GUCA1C: variants seen among roughly 807,000 people sequenced by gnomAD.
GUCA1C encodes the protein guanylyl cyclase-activating protein 3.
A neutral mutation model predicts 16.2 loss-of-function variants in GUCA1C; 15 were observed. That is an observed-to-expected ratio of 0.93 (90% confidence interval 0.62 to 1.43). GUCA1C has a LOEUF of 1.43. Ranked by LOEUF, GUCA1C falls within the 40% of genes most tolerant of loss-of-function variation. GUCA1C has a pLI of 0.00. For missense variants in GUCA1C, 275 were observed against 244.8 expected, an observed-to-expected ratio of 1.12 and a Z score of -0.82; for synonymous variants, 78 against 85.4, an observed-to-expected ratio of 0.91 and a Z score of 0.48.
chr3:108,932,924 C>CCAA (rs1946685187), intron 1 of GUCA1C, among the ~76,000 whole-genome samples: 1 of 68,684 alleles, frequency 1.5e-5, no homozygotes, highest in Non-Finnish European at 3.1e-5. Context: ...AAAAAAATCT[C>CCAA]AAAAAAAAAA....
chr3:108,920,249 A>T (rs1240626237), intron 2 of GUCA1C, among the ~76,000 whole-genome samples, 187 bp downstream of exon 2: 1 of 152,210 alleles, frequency 6.6e-6, no homozygotes, highest in African/African-American at 2.4e-5. Context: ...CACCAAGAAG[A>T]AAAAGCTGAT....
intron 1 of GUCA1C, among the ~76,000 whole-genome samples, chr3:108,934,808 C>CTTT (rs71629371): frequency 0.058 from 4,959 of 86,032 alleles, 603 homozygotes; most frequent in African/African-American, 0.082. Context: ...TGTTCTTGAT[C>CTTT]TTTTTTTTTT....
intron 3 of GUCA1C, among the ~76,000 whole-genome samples, chr3:108,913,397 TCTC>T (rs1221053795): frequency 6.6e-6 from 1 of 152,028 alleles, no homozygotes; most frequent in East Asian, 1.9e-4. Flanking sequence ...GAATAGACAT[TCTC>T]CTCTGTGGTG....
chr3:108,942,007 G>GT (rs1037563884), intron 1 of GUCA1C, among the ~76,000 whole-genome samples: 2 of 152,236 alleles, frequency 1.3e-5, no homozygotes, highest in Admixed American at 1.3e-4. Context: ...AATTAGAGCT[G>GT]TTTTTTCCAT....
Position 108,953,857 on chromosome 3 carries a change from A to T in GUCA1C, c.-95T>A. 2 of 790,308 alleles carry T rather than the reference A, an allele frequency of 2.5e-6. No individual in the cohort carries two copies. Among genetic ancestry groups the T allele is most frequent in the Non-Finnish European group, 4.4e-6 (2 of 456,788 alleles). 49.0% of individuals were successfully genotyped at this position (790,308 alleles called of 1,614,324 possible). A position where few individuals can be genotyped will look rare whatever the true frequency, so the allele number is the denominator to read the frequency against. On this transcript the variant is annotated 5_prime_UTR_variant, in exon 1 of 4. An upstream start codon of the reference 5' UTR is lost. Transcript: ENST00000261047. ...CTCCTCACTAAAACTGAAGGCTAAC[A>T]TATGCCCTCAGAAAGCTACTCTAAA...
At chr3:108,916,889 T>C (rs2068221) in intron 2 of GUCA1C, among the ~76,000 whole-genome samples, 15,430 of 152,238 alleles carry the variant, frequency 0.1, 812 homozygotes, top group Middle Eastern at 0.17. Context: ...ATTATTCATT[T>C]GGGAATTTGA....
intron 1 of GUCA1C, among the ~76,000 whole-genome samples, chr3:108,925,286 C>A (rs1267529058): frequency 6.6e-6 from 1 of 152,102 alleles, no homozygotes; most frequent in African/African-American, 2.4e-5. Flanking sequence ...CTTAGCACCA[C>A]TTTTGCTGTA....
rs540540934 is a variant in GUCA1C at position 108,932,786 on chromosome 3, C to T, written c.205-12201G>A. Among the ~76,000 whole-genome samples, 8 of 151,662 alleles carry T rather than the reference C, an allele frequency of 5.3e-5. No individual in the cohort carries two copies. In the South Asian group the frequency reaches 8.3e-4, roughly 16 times the overall value. ...AACATACAGAATTAGCCGGGCGTGGCGGCGCATGCCTGTAATCCCAGCTAC... is the reference window on the plus strand; with the variant it reads ...AACATACAGAATTAGCCGGGCGTGGTGGCGCATGCCTGTAATCCCAGCTAC... On this transcript the variant is annotated intron_variant, in intron 1 of 3. Transcript: ENST00000261047.
chr3:108,911,128 T>G (rs1346224822), intron 3 of GUCA1C, among the ~76,000 whole-genome samples: 1 of 152,206 alleles, frequency 6.6e-6, no homozygotes, highest in Admixed American at 6.5e-5. Context: ...CATCACTCAC[T>G]ACCAATTTCA....
At chr3:108,953,497 A>T in intron 1 of GUCA1C, 62 bp downstream of exon 1, 3 of 1,145,142 alleles carry the variant, frequency 2.6e-6, no homozygotes, top group Non-Finnish European at 3.8e-6. Flanking sequence ...GGAAAAAAAA[A>T]AAAAAGGGAA....
chr3:108,911,007 A>C (rs1489864343), intron 3 of GUCA1C, among the ~76,000 whole-genome samples: 1 of 152,150 alleles, frequency 6.6e-6, no homozygotes, highest in East Asian at 1.9e-4. Context: ...TATTTTTATA[A>C]GTTGAAATAT....
chr3:108,912,722 A>G (rs1397260983), intron 3 of GUCA1C, among the ~76,000 whole-genome samples: 1 of 151,670 alleles, frequency 6.6e-6, no homozygotes, highest in Non-Finnish European at 1.5e-5. Flanking sequence ...AAAAAAAAAA[A>G]AAAATTCTAG....
At chr3:108,910,536 T>G (rs893818237) in intron 3 of GUCA1C, among the ~76,000 whole-genome samples, 2 of 151,550 alleles carry the variant, frequency 1.3e-5, no homozygotes, top group African/African-American at 4.8e-5. Context: ...AAAAAGCCAA[T>G]GCCTGTGAGA....
intron 3 of GUCA1C, among the ~76,000 whole-genome samples, chr3:108,908,453 C>G (rs1217554221): frequency 6.6e-6 from 1 of 151,612 alleles, no homozygotes; most frequent in Non-Finnish European, 1.5e-5. Context: ...CAGGTAATGC[C>G]CCAGATGAAA....
intron 1 of GUCA1C, among the ~76,000 whole-genome samples, chr3:108,950,786 T>C (rs755618198): frequency 2.0e-5 from 3 of 152,000 alleles, no homozygotes; most frequent in Non-Finnish European, 4.4e-5. Context: ...AGCTGTGAAA[T>C]GTGAGGTTGA....
At chr3:108,914,891 ACT>A (rs1250477319) in intron 3 of GUCA1C, among the ~76,000 whole-genome samples, 1 of 151,506 alleles carries the variant, frequency 6.6e-6, no homozygotes, top group African/African-American at 2.4e-5. Flanking sequence ...GGGTAGTCTG[ACT>A]CTGTTTCTTA....
At chr3:108,953,333 G>C (rs1356456856) in intron 1 of GUCA1C, among the ~76,000 whole-genome samples, 2 of 152,104 alleles carry the variant, frequency 1.3e-5, no homozygotes, top group African/African-American at 4.8e-5. Flanking sequence ...CCTACATGCA[G>C]AACACTTCCT....
intron 1 of GUCA1C, among the ~76,000 whole-genome samples, chr3:108,948,808 T>G (rs545881310): frequency 6.6e-6 from 1 of 152,182 alleles, no homozygotes; most frequent in Non-Finnish European, 1.5e-5. Flanking sequence ...CTGCATATTG[T>G]GCTGGGCCTT....
intron 1 of GUCA1C, among the ~76,000 whole-genome samples, chr3:108,949,084 G>C (rs1946872241): frequency 1.3e-5 from 2 of 152,122 alleles, no homozygotes; most frequent in Non-Finnish European, 2.9e-5. Flanking sequence ...CTGACCTCAA[G>C]TGATTTGCCT....
Sources: gnomAD v4.1 joint callset for allele counts (sites outside exome capture counted in the v4.1 genomes callset) on GRCh38, gnomAD v4.1.1 for gene constraint, MANE v1.5 for transcripts, NCBI Gene and HGNC (gene_info 2026-07-23, HGNC 2026-07-21) for gene names.